The following MARCHF1 variants were observed in gnomAD, a reference collection of about 807,000 sequenced individuals.
MARCHF1 encodes the protein membrane associated ring-CH-type finger 1.
MARCHF1 carries 40 observed loss-of-function variants against 54.2 expected under a neutral mutation model. The observed-to-expected ratio is 0.74, with a 90% CI of 0.57 to 0.96. The LOEUF (loss-of-function observed/expected upper bound fraction) is 0.96, where lower values mean the gene tolerates loss of function less well. Ranked by LOEUF, MARCHF1 falls within the 40% of genes least tolerant of loss-of-function variation. The probability of loss-of-function intolerance (pLI) is 0.00; values close to 1 mark genes in which losing one functional copy is unlikely to be tolerated. For missense variants in MARCHF1, 586 were observed against 656.5 expected (o/e 0.89, Z 1.17); for synonymous variants, 236 against 236.3 (o/e 1.00, Z 0.01).
At chr4:163,653,667 G>C (rs1439147763) in intron 5 of MARCHF1, among the ~76,000 whole-genome samples, 1 of 151,644 alleles carries the variant, frequency 6.6e-6, no homozygotes, top group African/African-American at 2.4e-5. Flanking sequence ...AAAAAGAAAG[G>C]AAAGAAGGTA....
At chr4:163,590,068 G>C (rs1740538104) in intron 7 of MARCHF1, among the ~76,000 whole-genome samples, 1 of 151,868 alleles carries the variant, frequency 6.6e-6, no homozygotes, top group African/African-American at 2.4e-5. Context: ...GTGTGTGTGT[G>C]TGTGTGTGTG....
chr4:163,698,186 A>C (rs1284003308), intron 5 of MARCHF1, among the ~76,000 whole-genome samples: 1 of 152,184 alleles, frequency 6.6e-6, no homozygotes, highest in Non-Finnish European at 1.5e-5. Flanking sequence ...AGAAATGCTC[A>C]CAGTTTTCAA....
At chr4:163,868,063 T>C (rs1261559552) in intron 3 of MARCHF1, among the ~76,000 whole-genome samples, 1 of 151,926 alleles carries the variant, frequency 6.6e-6, no homozygotes, top group South Asian at 2.1e-4. Flanking sequence ...TTACTATTAG[T>C]TGTTAATTTT....
chr4:163,846,209 GCT>G (rs1359740918), intron 4 of MARCHF1, among the ~76,000 whole-genome samples: 1 of 152,166 alleles, frequency 6.6e-6, no homozygotes. Context: ...AACTCTATCT[GCT>G]CTGACTTGAT....
At chr4:163,997,157 G>A (rs1753092793) in intron 2 of MARCHF1, among the ~76,000 whole-genome samples, 2 of 151,922 alleles carry the variant, frequency 1.3e-5, no homozygotes, top group African/African-American at 4.8e-5. Context: ...AGGGCCAAGA[G>A]CAGAGAAAAG....
At chr4:164,069,365 C>A (rs994319117) in intron 2 of MARCHF1, among the ~76,000 whole-genome samples, 1 of 152,144 alleles carries the variant, frequency 6.6e-6, no homozygotes, top group Admixed American at 6.5e-5. Flanking sequence ...TTCCACACTG[C>A]GGAAGCTTTG....
At chr4:163,952,092 G>A (rs1048417100) in intron 3 of MARCHF1, among the ~76,000 whole-genome samples, 9 of 152,184 alleles carry the variant, frequency 5.9e-5, no homozygotes, top group South Asian at 2.1e-4. Flanking sequence ...CATGAAAATC[G>A]CTTGTTTTTC....
At chr4:163,785,965 A>G (rs940946204) in intron 4 of MARCHF1, among the ~76,000 whole-genome samples, 2 of 152,050 alleles carry the variant, frequency 1.3e-5, no homozygotes, top group African/African-American at 2.4e-5. Context: ...ATAAAGAAGA[A>G]GAGGTCAGAA....
chr4:163,952,143 T>C (rs540746130), intron 3 of MARCHF1, among the ~76,000 whole-genome samples: 1 of 152,258 alleles, frequency 6.6e-6, no homozygotes, highest in South Asian at 2.1e-4. Context: ...ATATTTGAGT[T>C]TGATCTTGCA....
chr4:164,336,275 G>A lies in MARCHF1; in HGVS notation c.-323+47595C>T, dbSNP rs186472212. On this transcript the variant is annotated intron_variant, in intron 1 of 9. Coordinates refer to ENST00000514618, the MANE Select transcript of MARCHF1 (RefSeq NM_001394959.1). ...TCCTTAGTAAACATTAAGAAGTGGTGTTATGGTGGTAAAGTAACATTGGTA... is the reference window on the plus strand; with the variant it reads ...TCCTTAGTAAACATTAAGAAGTGGTATTATGGTGGTAAAGTAACATTGGTA... 6.6e-5 allele frequency among the ~76,000 whole-genome samples: 10 copies of A among 152,242 alleles called. No homozygotes were observed. In the East Asian group the frequency reaches 1.9e-3, roughly 29 times the overall value.
intron 1 of MARCHF1, among the ~76,000 whole-genome samples, chr4:164,165,747 A>T (rs1412716522): frequency 6.6e-6 from 1 of 151,986 alleles, no homozygotes; most frequent in Non-Finnish European, 1.5e-5. Context: ...GAGGATGTGC[A>T]TTGAACTTGC....
At chr4:163,743,632 G>C (rs1235531799) in intron 4 of MARCHF1, among the ~76,000 whole-genome samples, 1 of 149,408 alleles carries the variant, frequency 6.7e-6, no homozygotes, top group Non-Finnish European at 1.5e-5. Flanking sequence ...AGGCTGGAGG[G>C]CAGTGGCGCG....
intron 3 of MARCHF1, among the ~76,000 whole-genome samples, chr4:163,962,365 C>A (rs925479401): frequency 6.6e-6 from 1 of 151,518 alleles, no homozygotes; most frequent in Non-Finnish European, 1.5e-5. Flanking sequence ...AGGAGAGGGG[C>A]GGAGGTGTGG....
intron 1 of MARCHF1, among the ~76,000 whole-genome samples, chr4:164,307,197 A>T (rs563594055): frequency 6.6e-6 from 1 of 152,176 alleles, no homozygotes; most frequent in East Asian, 1.9e-4. Context: ...GGACCCTCAG[A>T]TACATATATA....
intron 3 of MARCHF1, among the ~76,000 whole-genome samples, chr4:163,984,517 C>G (rs1752824041): frequency 1.3e-5 from 2 of 152,102 alleles, no homozygotes; most frequent in African/African-American, 4.8e-5. Context: ...ACAGCCTTGG[C>G]CCCATCCATG....
intron 1 of MARCHF1, among the ~76,000 whole-genome samples, chr4:164,256,960 T>C (rs902447964): frequency 6.6e-6 from 1 of 152,198 alleles, no homozygotes; most frequent in Admixed American, 6.5e-5. Context: ...GCTGTTATAC[T>C]CATGAACAAA....
At chr4:164,311,398 G>T (rs1734847159) in intron 1 of MARCHF1, among the ~76,000 whole-genome samples, 1 of 152,126 alleles carries the variant, frequency 6.6e-6, no homozygotes, top group Non-Finnish European at 1.5e-5. Context: ...CAAAATGAGA[G>T]ATACAATTAG....
chr4:164,110,427 A>AT (rs561793905), intron 2 of MARCHF1, among the ~76,000 whole-genome samples: 166 of 151,716 alleles, frequency 1.1e-3, no homozygotes, highest in African/African-American at 3.8e-3. Flanking sequence ...CAATTTCAAG[A>AT]TTTTTTTGAA....
At chr4:163,659,011 C>A (rs1021726620) in intron 5 of MARCHF1, among the ~76,000 whole-genome samples, 1 of 151,808 alleles carries the variant, frequency 6.6e-6, no homozygotes, top group African/African-American at 2.4e-5. Flanking sequence ...TTTATATTAA[C>A]AATTTATAAA....
Sources: gnomAD v4.1 joint callset for allele counts (sites outside exome capture counted in the v4.1 genomes callset) on GRCh38, gnomAD v4.1.1 for gene constraint, MANE v1.5 for transcripts, NCBI Gene and HGNC (gene_info 2026-07-23, HGNC 2026-07-21) for gene names.